ACTR3C: variants seen among roughly 807,000 people sequenced by gnomAD.
ACTR3C encodes actin-related protein 3C.
Under a neutral mutation model 26.3 loss-of-function variants are expected in ACTR3C, and 18 were observed. That is an observed-to-expected ratio of 0.68 (90% CI 0.47 to 1.01). The LOEUF is 1.01. Among genes scored for constraint, ACTR3C ranks in the 50% least tolerant of loss-of-function variants. The pLI, the probability that ACTR3C is intolerant of heterozygous loss-of-function variation, is 0.00. For missense variants in ACTR3C, 184 were observed against 250.7 expected (o/e 0.73, Z 1.80); for synonymous variants, 55 against 94.5 (o/e 0.58, Z 2.42).
At chr7:150,238,426 C>T in the ACTR3C span, among the ~76,000 whole-genome samples, 1 of 127,774 alleles carries the variant, frequency 7.8e-6, no homozygotes, top group South Asian at 2.7e-4. Flanking sequence ...CCCAGGAGTA[C>T]AAGAGCTATG....
chr7:150,033,021 G>A, the ACTR3C span, among the ~76,000 whole-genome samples: 3 of 152,268 alleles, frequency 2.0e-5, no homozygotes, highest in African/African-American at 4.8e-5. Flanking sequence ...CTGGTCAGAT[G>A]GCAGGACGGG....
the ACTR3C span, among the ~76,000 whole-genome samples, chr7:150,008,652 C>T: frequency 2.0e-5 from 3 of 150,782 alleles, no homozygotes; most frequent in Non-Finnish European, 4.4e-5. Flanking sequence ...ATAGCACTAG[C>T]TGCCCAGGGG....
At chr7:149,885,202 C>G in the ACTR3C span, among the ~76,000 whole-genome samples, 1 of 152,160 alleles carries the variant, frequency 6.6e-6, no homozygotes, top group Non-Finnish European at 1.5e-5. Context: ...GAAACCACTG[C>G]CCTAGAACCT....
chr7:149,889,407 G>T, the ACTR3C span, among the ~76,000 whole-genome samples: 1 of 152,114 alleles, frequency 6.6e-6, no homozygotes, highest in African/African-American at 2.4e-5. Context: ...TGAAAGATTG[G>T]CATCCAGATT....
chr7:150,111,983 T>G, the ACTR3C span, among the ~76,000 whole-genome samples: 1 of 151,708 alleles, frequency 6.6e-6, no homozygotes, highest in African/African-American at 2.4e-5. Context: ...CAATGCAATC[T>G]CCATAGCAAT....
chr7:150,018,528 C>T, the ACTR3C span, among the ~76,000 whole-genome samples: 1 of 149,546 alleles, frequency 6.7e-6, no homozygotes, highest in Non-Finnish European at 1.5e-5. Flanking sequence ...AGGTGGGTTT[C>T]CTTGATTCCA....
At chr7:150,097,940 A>G in the ACTR3C span, among the ~76,000 whole-genome samples, 1 of 151,466 alleles carries the variant, frequency 6.6e-6, no homozygotes, top group Admixed American at 6.6e-5. Context: ...TGAGACACAT[A>G]TGACATGGCC....
the ACTR3C span, among the ~76,000 whole-genome samples, chr7:150,126,893 C>A: frequency 6.6e-6 from 1 of 152,150 alleles, no homozygotes; most frequent in South Asian, 2.1e-4. Flanking sequence ...TGAAGCTACA[C>A]CAGCCTTTCC....
intron 6 of ACTR3C, among the ~76,000 whole-genome samples, chr7:150,251,557 C>T (rs1398214885): frequency 6.6e-6 from 1 of 151,766 alleles, no homozygotes; most frequent in African/African-American, 2.4e-5. Context: ...ATATTAAAAG[C>T]CTAAAAACCT....
chr7:149,997,374 C>A, the ACTR3C span, among the ~76,000 whole-genome samples: 3 of 151,758 alleles, frequency 2.0e-5, no homozygotes, highest in Non-Finnish European at 4.4e-5. Flanking sequence ...TAATTTATCA[C>A]CATATAACAT....
the ACTR3C span, among the ~76,000 whole-genome samples, chr7:150,021,120 C>CTT: frequency 6.6e-6 from 1 of 150,544 alleles, no homozygotes; most frequent in Non-Finnish European, 1.5e-5. Flanking sequence ...TGCACCCAGC[C>CTT]TTTTTTTTTT....
the ACTR3C span, among the ~76,000 whole-genome samples, chr7:149,906,412 CTTTTTTTTTTTTTTTTTT>C: frequency 1.7e-4 from 12 of 72,100 alleles, no homozygotes; most frequent in Non-Finnish European, 2.4e-4. Flanking sequence ...GGGTTTGTTT[CTTTTTTTTTTTTTTTTTT>C]TTTTTTTTTT....
the ACTR3C span, among the ~76,000 whole-genome samples, chr7:150,058,303 C>T: frequency 5.9e-5 from 9 of 152,282 alleles, no homozygotes; most frequent in South Asian, 1.7e-3. Flanking sequence ...GAGCATGGTT[C>T]ATGTATTCTT....
At chr7:150,078,873 G>A in the ACTR3C span, among the ~76,000 whole-genome samples, 17 of 152,206 alleles carry the variant, frequency 1.1e-4, no homozygotes, top group African/African-American at 3.9e-4. Context: ...GACAGCAGAG[G>A]AGACTGAGGC....
chr7:149,934,074 G>A, the ACTR3C span, among the ~76,000 whole-genome samples: 1 of 149,848 alleles, frequency 6.7e-6, no homozygotes, highest in South Asian at 2.1e-4. Context: ...TGCATTCTGG[G>A]TGTCAAGTTC....
chr7:149,969,804 A>G, the ACTR3C span, among the ~76,000 whole-genome samples: 1 of 152,204 alleles, frequency 6.6e-6, no homozygotes, highest in South Asian at 2.1e-4. Flanking sequence ...GTTATGTTTA[A>G]TTGTTCAGCA....
chr7:150,238,734 T>A, the ACTR3C span, among the ~76,000 whole-genome samples: 2 of 149,294 alleles, frequency 1.3e-5, no homozygotes, highest in Non-Finnish European at 2.9e-5. Flanking sequence ...TCCATTTACC[T>A]ACTCTAAATA....
chr7:150,172,742 G>A, the ACTR3C span, among the ~76,000 whole-genome samples: 2 of 150,680 alleles, frequency 1.3e-5, no homozygotes, highest in East Asian at 3.9e-4. Context: ...AAGTAAGCTA[G>A]TTACTTCCTA....
chr7:150,071,394 G>T, the ACTR3C span, among the ~76,000 whole-genome samples: 4 of 150,814 alleles, frequency 2.7e-5, no homozygotes, highest in African/African-American at 9.8e-5. Flanking sequence ...AAAGTGCTGG[G>T]ATTACAGGTG....
Sources: allele counts gnomAD v4.1 joint callset (sites outside exome capture counted in the v4.1 genomes callset), GRCh38; gene constraint gnomAD v4.1.1; transcripts MANE v1.5; gene names NCBI Gene and HGNC (gene_info 2026-07-23, HGNC 2026-07-21).